DOCK1: variants seen among roughly 807,000 people sequenced by gnomAD.
DOCK1 encodes the protein dedicator of cytokinesis 1.
Under a neutral mutation model 262.7 loss-of-function variants are expected in DOCK1, and 138 were observed. The observed-to-expected ratio is 0.53, with a 90% CI of 0.46 to 0.61. The LOEUF (loss-of-function observed/expected upper bound fraction) is 0.61. Ranked by LOEUF, DOCK1 falls within the 20% of genes least tolerant of loss-of-function variation. DOCK1 has a pLI of 0.00. For missense variants in DOCK1, 1,908 were observed against 2,370.7 expected, an observed-to-expected ratio of 0.80 and a Z score of 4.05; for synonymous variants, 866 against 867.4, an observed-to-expected ratio of 1.00 and a Z score of 0.03.
intron 11 of DOCK1, among the ~76,000 whole-genome samples, chr10:127,010,648 G>A (rs1591635086): frequency 6.6e-6 from 1 of 152,214 alleles, no homozygotes; most frequent in East Asian, 1.9e-4. Context: ...GTCCCATCCA[G>A]TGAGGAGAGT....
At chr10:127,023,345 T>G in intron 14 of DOCK1, 21 bp downstream of exon 14, 1 of 1,612,798 alleles carries the variant, frequency 6.2e-7, no homozygotes, top group Non-Finnish European at 8.5e-7. Flanking sequence ...TGGCGAGGGC[T>G]CATCTGTAGT....
intron 29 of DOCK1, among the ~76,000 whole-genome samples, chr10:127,261,456 C>CAT (rs1554934214): frequency 2.3e-5 from 2 of 85,404 alleles, no homozygotes; most frequent in African/African-American, 5.2e-5. Context: ...CATGTGTGTG[C>CAT]GTGTGTGTGT....
chr10:127,387,858 C>CTT (rs5788840), intron 38 of DOCK1, among the ~76,000 whole-genome samples: 12,604 of 147,720 alleles, frequency 0.085, 658 homozygotes, highest in African/African-American at 0.15. Context: ...AAAACAGAGT[C>CTT]TTTTTTTTTT....
At chr10:127,113,993 T>G (rs1048321102) in intron 25 of DOCK1, among the ~76,000 whole-genome samples, 1 of 152,192 alleles carries the variant, frequency 6.6e-6, no homozygotes, top group Admixed American at 6.5e-5. Context: ...GTGCAGTCAT[T>G]TGGCATTTAA....
At chr10:127,422,490 T>G (rs1489515166) in intron 46 of DOCK1, among the ~76,000 whole-genome samples, 2 of 152,184 alleles carry the variant, frequency 1.3e-5, no homozygotes, top group African/African-American at 4.8e-5. Context: ...TAATAGCCAT[T>G]TTAATGAGTG....
chr10:127,288,418 A>G (rs1385164228), intron 29 of DOCK1, among the ~76,000 whole-genome samples: 1 of 152,176 alleles, frequency 6.6e-6, no homozygotes, highest in Non-Finnish European at 1.5e-5. Flanking sequence ...GCTCACTGCA[A>G]CTGAGTTACT....
At chr10:127,093,282 G>C (rs1324226984) in intron 23 of DOCK1, among the ~76,000 whole-genome samples, 2 of 78,902 alleles carry the variant, frequency 2.5e-5, no homozygotes, top group Non-Finnish European at 4.2e-5. Context: ...GTCTCGCTCT[G>C]TCATCCCGGC....
chr10:127,139,997 T>A (rs1467885905), intron 27 of DOCK1, among the ~76,000 whole-genome samples: 3 of 152,218 alleles, frequency 2.0e-5, no homozygotes, highest in Admixed American at 2.0e-4. Context: ...CAATCGAGTC[T>A]GTGAATATAC....
At chr10:127,363,013 C>A (rs113555655) in intron 33 of DOCK1, among the ~76,000 whole-genome samples, 30 of 37,184 alleles carry the variant, frequency 8.1e-4, no homozygotes, top group African/African-American at 3.6e-3. Flanking sequence ...ACGCACATCC[C>A]CACACACACA....
chr10:127,207,654 T>C (rs184734206), intron 27 of DOCK1, among the ~76,000 whole-genome samples: 1 of 152,314 alleles, frequency 6.6e-6, no homozygotes, highest in East Asian at 1.9e-4. Context: ...GTTAAAAGTT[T>C]TTCCTAAAGA....
chr10:127,369,909 G>A (rs999645758), intron 33 of DOCK1, among the ~76,000 whole-genome samples: 8 of 152,204 alleles, frequency 5.3e-5, no homozygotes, highest in African/African-American at 1.7e-4. Flanking sequence ...GTGATGGATC[G>A]GGAGGGACCA....
chr10:127,012,380 T>A lies in DOCK1; in HGVS notation c.1201+6T>A, dbSNP rs1365655534. ...AGTCAACCACAAGGGGCAGGGTACG[T>A]ATTTTCCTATTTTGTTTCTATCAGC... On this transcript the variant is annotated splice_donor_region_variant and intron_variant, in intron 12 of 51. Coordinates refer to ENST00000623213, the MANE Select transcript of DOCK1 (RefSeq NM_001290223.2). This position sits in a 1 kb window ranked among gnomAD's most constrained non-coding sequence, Gnocchi z 4.0. The A allele has an allele frequency of 5.0e-6, 8 of 1,613,568 alleles. No individual in the cohort carries two copies. The highest frequency in any genetic ancestry group is 5.9e-6 in the Non-Finnish European group (7 of 1,179,648).
intron 12 of DOCK1, among the ~76,000 whole-genome samples, chr10:127,018,125 C>T (rs528903555): frequency 1.1e-3 from 168 of 152,272 alleles, no homozygotes; most frequent in Admixed American, 2.8e-3. Context: ...TTTTCTTTTG[C>T]GGTGGCACTG....
intron 40 of DOCK1, among the ~76,000 whole-genome samples, chr10:127,407,881 C>A (rs907175991): frequency 6.6e-6 from 1 of 152,094 alleles, no homozygotes; most frequent in African/African-American, 2.4e-5. Flanking sequence ...GGCTTCTGCT[C>A]GCTGTCTTCT....
chr10:126,917,213 G>T (rs2032606666), intron 1 of DOCK1, among the ~76,000 whole-genome samples: 1 of 152,246 alleles, frequency 6.6e-6, no homozygotes. Context: ...CACGAGGGAA[G>T]CCATCCGTAA....
rs748493017 is a variant in DOCK1 at position 127,373,850 on chromosome 10, G to A, written c.3502G>A (p.Val1168Met). The change falls in exon 34 of 52, where the codon GTG becomes ATG. Residue 1168 changes from valine (V) to methionine (M), a missense_variant. Physicochemically the swap from Val to Met is conservative, Grantham distance 21 (BLOSUM62 1). This residue lies in a region of DOCK1 where 518 missense variants were observed against 575.1 expected (regional missense o/e 0.90). Coordinates refer to ENST00000623213, the MANE Select transcript of DOCK1 (RefSeq NM_001290223.2). Reference protein sequence around the residue: ...EGGRGDEQYKVLFDKILLEHC... With the variant: ...EGGRGDEQYKMLFDKILLEHC... ...AGGCAGAGGAGACGAACAGTACAAA[G>A]TGTTATTTGATAAAATGTAAGTGTT... 6.2e-7 allele frequency: 1 copy of A among 1,608,950 alleles called. No homozygotes were observed. Among genetic ancestry groups the A allele is most frequent in the South Asian group, 1.1e-5 (1 of 89,578 alleles).
chr10:127,289,134 T>G (rs2135349058), intron 29 of DOCK1, among the ~76,000 whole-genome samples: 1 of 152,308 alleles, frequency 6.6e-6, no homozygotes, highest in Middle Eastern at 3.4e-3. Context: ...TAACTTTTAA[T>G]ATCAGTAAAT....
Position 126,986,790 on chromosome 10 carries a change from G to C in DOCK1, c.228-731G>C, listed in dbSNP as rs555724503. On this transcript the variant is annotated intron_variant, in intron 4 of 51. Transcript: ENST00000623213. ...CCGGGCATGGTGGTGGGCACCTGTA[G>C]TCCCAGCTGCTTGGGAGGCTGAAGC... Among the ~76,000 whole-genome samples, 48 of 152,254 alleles carry C rather than the reference G, an allele frequency of 3.2e-4. No homozygotes were observed. In the South Asian group the frequency reaches 8.7e-3, roughly 28 times the overall value.
intron 27 of DOCK1, among the ~76,000 whole-genome samples, chr10:127,228,245 T>TA (rs1220873127): frequency 6.6e-6 from 1 of 152,148 alleles, no homozygotes; most frequent in Non-Finnish European, 1.5e-5. Flanking sequence ...TGAGAAGGGT[T>TA]AAATCACTGG....
Sources: gnomAD v4.1 joint callset for allele counts (sites outside exome capture counted in the v4.1 genomes callset) on GRCh38, gnomAD v4.1.1 for gene constraint, gnomAD v4.1.1 regional missense constraint, Gnocchi (gnomAD v3.1) non-coding constraint, MANE v1.5 for transcripts, NCBI Gene and HGNC (gene_info 2026-07-23, HGNC 2026-07-21) for gene names.